CDC42EP2: variants seen among roughly 807,000 people sequenced by gnomAD.
CDC42EP2 encodes the protein CDC42 effector protein (Rho GTPase binding) 2.
In CDC42EP2, 5 loss-of-function variants were observed where a neutral mutation model predicts 7.3. The observed-to-expected ratio is 0.68, with a 90% CI of 0.36 to 1.44. The LOEUF is 1.44. CDC42EP2 is among the 40% of genes most tolerant of loss of function. The probability of loss-of-function intolerance (pLI) is 0.04; values close to 1 mark genes in which losing one functional copy is unlikely to be tolerated. For missense variants in CDC42EP2, 251 were observed against 282.6 expected (o/e 0.89, Z 0.80); for synonymous variants, 113 against 123.6 (o/e 0.91, Z 0.57).
At chr11:65,318,053 C>T (rs1033211394) in intron 1 of CDC42EP2, among the ~76,000 whole-genome samples, 1 of 151,512 alleles carries the variant, frequency 6.6e-6, no homozygotes, top group East Asian at 1.9e-4. Context: ...CAACCTAGGG[C>T]TGGCCTTCTA....
intron 1 of CDC42EP2, among the ~76,000 whole-genome samples, chr11:65,318,688 G>T (rs1236132396): frequency 6.6e-6 from 1 of 151,814 alleles, no homozygotes; most frequent in Non-Finnish European, 1.5e-5. Flanking sequence ...CTCCTAAAGT[G>T]CTGGGATTAC....
rs60988409 is a variant in CDC42EP2, at chr11:65,319,364, G to A, written c.-355-1180G>A. Among the ~76,000 whole-genome samples the A allele has an allele frequency of 5.3e-5, 8 of 151,898 alleles. 1 individual carries two copies. In the South Asian group the frequency reaches 1.2e-3, roughly 24 times the overall value. On this transcript the variant is annotated intron_variant, in intron 1 of 1. Coordinates refer to ENST00000279249, the MANE Select transcript of CDC42EP2 (RefSeq NM_006779.4). ...AGGATGGTCTTGATCTCCTGACCTC[G>A]TGATCCACCTGCCTCAGCCTCCCAA...
rs1272683801 is a variant in CDC42EP2, at chr11:65,315,027, C to T, written c.-356+73C>T. On this transcript the variant is annotated intron_variant, in intron 1 of 1. Coordinates refer to ENST00000279249, the MANE Select transcript of CDC42EP2 (RefSeq NM_006779.4). This position sits in a 1 kb window ranked among gnomAD's most constrained non-coding sequence, Gnocchi z 4.1. ...GGCCCATCTCTGTGGCGCCCCGCCC[C>T]AGCTCGCGCCCTGGCTCTGCCTCTC... is the stretch of plus-strand genomic sequence containing the variant. The T allele has an allele frequency of 1.3e-5, 2 of 152,250 alleles. No homozygotes were observed. Among genetic ancestry groups the T allele is most frequent in the Non-Finnish European group, 2.9e-5 (2 of 68,120 alleles). The allele number at this position is 152,250 out of a possible 1,614,324, so 9.4% of individuals were successfully genotyped here. A position where few individuals can be genotyped will look rare whatever the true frequency, so the allele number is the denominator to read the frequency against.
rs760301829 is a variant in CDC42EP2, at chr11:65,320,997, G to A, written c.99G>A (p.Pro33=). 9.9e-6 allele frequency: 16 copies of A among 1,614,080 alleles called. No homozygotes were observed. The highest frequency in any genetic ancestry group is 1.3e-5 in the African/African-American group (1 of 75,068). ...TGTCCTCGGACATGATCAGCCCACC[G>A]CTGGGGGACTTCCGCCACACCATTC... ...DLLSSDMISP[P]LGDFRHTIHI... is the part of the protein sequence containing the mutation. Residue 33 remains proline, a synonymous_variant, in exon 2 of 2, where the codon CCG becomes CCA. Transcript: ENST00000279249.
intron 1 of CDC42EP2, among the ~76,000 whole-genome samples, 160 bp from the exon 2 acceptor site, chr11:65,320,384 T>C (rs1408482452): frequency 6.6e-6 from 1 of 152,070 alleles, no homozygotes; most frequent in African/African-American, 2.4e-5. Context: ...GGCAGAAGAA[T>C]TGCTTGAACC....
intron 1 of CDC42EP2, among the ~76,000 whole-genome samples, chr11:65,316,835 T>C (rs1949950231): frequency 6.6e-6 from 1 of 152,178 alleles, no homozygotes. Context: ...ACATCTGGAA[T>C]TGGGTGTGTA....
chr11:65,320,578 G>T lies in CDC42EP2; in HGVS notation c.-321G>T, dbSNP rs140578660. Reference sequence around the variant, plus strand: ...CCTGGACCGGGGACAAGTAACCCTCGGTGACAAGACCAAAGTGCACTGCTG... The same window carrying T: ...CCTGGACCGGGGACAAGTAACCCTCTGTGACAAGACCAAAGTGCACTGCTG... On this transcript the variant is annotated 5_prime_UTR_variant, in exon 2 of 2. Transcript: ENST00000279249. The T allele has an allele frequency of 4.2e-4, 129 of 306,518 alleles. 1 individual carries two copies. The highest frequency in any genetic ancestry group is 2.6e-3 in the African/African-American group (126 of 47,646). 19.0% of individuals were successfully genotyped at this position (306,518 alleles called of 1,614,324 possible).
rs1275619147 is a variant in CDC42EP2, at chr11:65,322,417, A to C, written c.*886A>C. The C allele has an allele frequency of 1.8e-5, 3 of 166,752 alleles. No homozygotes were observed. The highest frequency in any genetic ancestry group is 4.4e-5 in the Non-Finnish European group (3 of 68,266). The allele number at this position is 166,752 out of a possible 1,614,324, so 10.3% of individuals were successfully genotyped here. Reference sequence around the variant, plus strand: ...CCCAAGAATAAAAGAATAACCACAAAGTGTGCAAGGGACCAACAGCTTCTC... The same window carrying C: ...CCCAAGAATAAAAGAATAACCACAACGTGTGCAAGGGACCAACAGCTTCTC... On this transcript the variant is annotated 3_prime_UTR_variant, in exon 2 of 2. Transcript: ENST00000279249.
At position 65,321,101 on chromosome 11, in the gene CDC42EP2, C is replaced by G. The variant is rs571830286; in HGVS notation, c.203C>G (p.Thr68Ser). 2 of 1,614,142 alleles carry G rather than the reference C, an allele frequency of 1.2e-6. No homozygotes were observed. The highest frequency in any genetic ancestry group is 2.2e-5 in the South Asian group (2 of 91,088). The change falls in exon 2 of 2, where the codon ACC (threonine) becomes AGC (serine). Residue 68 changes from threonine (T) to serine (S), a missense_variant. Thr to Ser is a moderately conservative substitution (Grantham distance 58, BLOSUM62 1). Transcript: ENST00000279249. The surrounding 1 kb of genome is among the most constrained non-coding windows in gnomAD (Gnocchi z 4.4). ...LQGKFHLLPG[T>S]MVEGPEEDGT... ...GGCAAGTTCCACCTCCTGCCGGGGA[C>G]CATGGTGGAGGGGCCTGAAGAAGAT...
rs4149837 is a variant in CDC42EP2 at position 65,321,258 on chromosome 11, C to A, written c.360C>A (p.Thr120=). The change falls in exon 2 of 2, where the codon ACC becomes ACA. Residue 120 remains threonine, a synonymous_variant. Transcript: ENST00000279249. This position sits in a 1 kb window ranked among gnomAD's most constrained non-coding sequence, Gnocchi z 4.4. The part of the protein sequence containing the change: ...LPVIGGPQAL[T]LPTAQAPPKP... ...TTATCGGTGGACCCCAGGCTCTCAC[C>A]CTGCCCACAGCCCAGGCTCCACCCA... 8.1e-6 allele frequency: 13 copies of A among 1,613,958 alleles called. No homozygotes were observed. Among genetic ancestry groups the A allele is most frequent in the East Asian group, 2.2e-5 (1 of 44,872 alleles).
At chr11:65,318,421 ATTTTTTTTTT>A (rs1279340276) in intron 1 of CDC42EP2, among the ~76,000 whole-genome samples, 19 of 114,064 alleles carry the variant, frequency 1.7e-4, no homozygotes, top group Non-Finnish European at 2.6e-4. Flanking sequence ...CACCTGGCAA[ATTTTTTTTTT>A]TTTTTTTTTT....
chr11:65,318,088 T>A (rs894038438), intron 1 of CDC42EP2, among the ~76,000 whole-genome samples: 9 of 152,114 alleles, frequency 5.9e-5, no homozygotes, highest in Middle Eastern at 3.4e-3. Flanking sequence ...TTTTAAATTT[T>A]TTTTTTAATT....
At position 65,320,945 on chromosome 11, in the gene CDC42EP2, G is replaced by A. The variant is rs1203838737; in HGVS notation, c.47G>A (p.Gly16Asp). ...TATCTGAAGCGTGGCAGTCGCAAGG[G>A]CAAGAAGGAGAAGCTTCGGGACCTG... ...PIYLKRGSRK[G>D]KKEKLRDLLS... Residue 16 changes from glycine to aspartate, a missense_variant, in exon 2 of 2, where the codon GGC becomes GAC. Coordinates refer to ENST00000279249, the MANE Select transcript of CDC42EP2 (RefSeq NM_006779.4). 6.2e-7 allele frequency: 1 copy of A among 1,611,912 alleles called. No homozygotes were observed. The highest frequency in any genetic ancestry group is 8.5e-7 in the Non-Finnish European group (1 of 1,178,424).
At position 65,320,903 on chromosome 11, in the gene CDC42EP2, C is replaced by T; in HGVS notation, c.5C>T (p.Ser2Phe). The T allele has an allele frequency of 6.3e-7, 1 of 1,597,928 alleles. No individual in the cohort carries two copies. The highest frequency in any genetic ancestry group is 8.6e-7 in the Non-Finnish European group (1 of 1,168,092). The change falls in exon 2 of 2, where the codon TCC becomes TTC. Residue 2 changes from serine (S) to phenylalanine (F), a missense_variant. Transcript: ENST00000279249. M[S>F]TKVPIYLKRG... ...AGGCCTGGTGGTGAGGTCACCATGT[C>T]CACCAAGGTGCCCATCTATCTGAAG...
Position 65,314,885 on chromosome 11 carries a change from G to A in CDC42EP2, c.-425G>A, listed in dbSNP as rs1949938209. The A allele has an allele frequency of 6.6e-6, 1 of 152,176 alleles. No individual in the cohort carries two copies. Among genetic ancestry groups the A allele is most frequent in the Admixed American group, 6.5e-5 (1 of 15,292 alleles). The allele number at this position is 152,176 out of a possible 1,614,324, so 9.4% of individuals were successfully genotyped here. ...CACTCTGTAAGTTCACCGCCGGTCG[G>A]GTCCGGCCGCCGCGCTGTCCAGCTC... On this transcript the variant is annotated 5_prime_UTR_variant, in exon 1 of 2. Coordinates refer to ENST00000279249, the MANE Select transcript of CDC42EP2 (RefSeq NM_006779.4).
rs1391484990 is a variant in CDC42EP2, at chr11:65,315,310, T to C, written c.-356+356T>C. Among the ~76,000 whole-genome samples the C allele has an allele frequency of 6.6e-6, 1 of 152,206 alleles. No individual in the cohort carries two copies. Among genetic ancestry groups the C allele is most frequent in the Non-Finnish European group, 1.5e-5 (1 of 68,032 alleles). ...CCGATAGTGAGTTGTTCTCCTATCT[T>C]TAGCTGCGGCCGCGAATGTCCTGAA... On this transcript the variant is annotated intron_variant, in intron 1 of 1. Transcript: ENST00000279249. This position sits in a 1 kb window ranked among gnomAD's most constrained non-coding sequence, Gnocchi z 4.1.
intron 1 of CDC42EP2, among the ~76,000 whole-genome samples, chr11:65,316,094 A>T (rs940843365): frequency 6.6e-6 from 1 of 152,136 alleles, no homozygotes; most frequent in Admixed American, 6.5e-5. Context: ...ATAGATGGGA[A>T]AGGTGAGACC....
At chr11:65,319,681 G>A (rs1949964591) in intron 1 of CDC42EP2, among the ~76,000 whole-genome samples, 1 of 152,154 alleles carries the variant, frequency 6.6e-6, no homozygotes, top group Admixed American at 6.5e-5. Context: ...CCCACCTCCA[G>A]GTGGGACATG....
chr11:65,321,263 C>T lies in CDC42EP2; in HGVS notation c.365C>T (p.Pro122Leu). The T allele has an allele frequency of 6.2e-7, 1 of 1,613,972 alleles. No individual in the cohort carries two copies. The highest frequency in any genetic ancestry group is 8.5e-7 in the Non-Finnish European group (1 of 1,180,008). Residue 122 changes from proline (P) to leucine (L), a missense_variant, in exon 2 of 2, where the codon CCC (proline) becomes CTC (leucine). Pro to Leu is a moderately conservative substitution (Grantham distance 98). Coordinates refer to ENST00000279249, the MANE Select transcript of CDC42EP2 (RefSeq NM_006779.4). The surrounding 1 kb of genome is among the most constrained non-coding windows in gnomAD (Gnocchi z 4.4). ...GGTGGACCCCAGGCTCTCACCCTGC[C>T]CACAGCCCAGGCTCCACCCAAGCCC... The part of the protein sequence containing the change: ...VIGGPQALTL[P>L]TAQAPPKPPR...
Sources: allele counts gnomAD v4.1 joint callset (sites outside exome capture counted in the v4.1 genomes callset), GRCh38; gene constraint gnomAD v4.1.1; non-coding constraint Gnocchi (gnomAD v3.1); transcripts MANE v1.5; gene names NCBI Gene and HGNC (gene_info 2026-07-23, HGNC 2026-07-21).